The following VSIG8 variants were observed in gnomAD, a reference collection of about 807,000 sequenced individuals.
VSIG8 encodes V-set and immunoglobulin domain containing 8.
A neutral mutation model predicts 42.6 loss-of-function variants in VSIG8; 32 were observed. The observed-to-expected ratio is 0.75, with a 90% CI of 0.57 to 1.01. The LOEUF is 1.01. Ranked by LOEUF, VSIG8 falls within the 50% of genes least tolerant of loss-of-function variation. The pLI, the probability that VSIG8 is intolerant of heterozygous loss-of-function variation, is 0.00. For synonymous variants in VSIG8, 290 were observed against 243.8 expected (o/e 1.19, Z -1.77); for missense variants, 529 against 558.0 (o/e 0.95, Z 0.52).
chr1:159,858,936 G>A (rs1032620553), intron 1 of VSIG8, 24 bp from the exon 2 acceptor site: 6 of 1,605,272 alleles, frequency 3.7e-6, no homozygotes, highest in Non-Finnish European at 5.1e-6. Context: ...AGAGAAGATG[G>A]GGTGGTAGGA....
intron 4 of VSIG8, 145 bp from the exon 5 acceptor site, chr1:159,856,788 C>T (rs1648847759): frequency 2.8e-6 from 3 of 1,061,006 alleles, no homozygotes; most frequent in South Asian, 1.7e-5. Context: ...CACACACACA[C>T]ACTCCACTCT....
At chr1:159,855,354 T>G (rs1208949726) in intron 6 of VSIG8, 92 of 1,468,366 alleles carry the variant, frequency 6.3e-5, no homozygotes, top group Non-Finnish European at 8.2e-5. Flanking sequence ...TTTCCTCTTC[T>G]TCTTTCCTTA....
chr1:159,858,954 C>T, intron 1 of VSIG8, 42 bp from the exon 2 acceptor site: 1 of 1,590,852 alleles, frequency 6.3e-7, no homozygotes, highest in Non-Finnish European at 8.6e-7. Flanking sequence ...GGAGCAGAAG[C>T]AGGGCTTCAG....
At position 159,858,489 on chromosome 1, in the gene VSIG8, T is replaced by C. The variant is rs995104360; in HGVS notation, c.229-198A>G. Among the ~76,000 whole-genome samples the C allele has an allele frequency of 2.0e-5, 3 of 152,234 alleles. No individual in the cohort carries two copies. The South Asian group carries it at 6.2e-4, about 32-fold the overall frequency. ...GAGATCAAGCACTTGGAAAGATATA[T>C]GGTCAGACTGGGAACTTTTTGAAGG... On this transcript the variant is annotated intron_variant, in intron 2 of 6. Coordinates refer to ENST00000368100, the MANE Select transcript of VSIG8 (RefSeq NM_001013661.1).
chr1:159,856,267 A>G, intron 5 of VSIG8, 186 bp from the exon 6 acceptor site: 1 of 761,142 alleles, frequency 1.3e-6, no homozygotes, highest in Non-Finnish European at 2.1e-6. Flanking sequence ...TCGTGTCAGC[A>G]TGCTTCTCCC....
In VSIG8 at chr1:159,854,893, C is replaced by A; in HGVS notation, c.1105G>T (p.Glu369Ter). 1 of 1,471,136 alleles carries A rather than the reference C, an allele frequency of 6.8e-7. No homozygotes were observed. The allele number at this position is 1,471,136 out of a possible 1,614,324, so 91.1% of individuals were successfully genotyped here. The change falls in exon 7 of 7, where the codon GAG (glutamate) becomes TAG (stop). Residue 369 changes from glutamate (E) to a stop codon, truncating the protein, a stop_gained. Coordinates refer to ENST00000368100, the MANE Select transcript of VSIG8 (RefSeq NM_001013661.1). LOFTEE classifies it high-confidence loss of function. The stretch of plus-strand genomic sequence containing the variant: ...GTGCAGGGCGCCAGGGCCACGTCCT[C>A]GGGGCCGCCGCAGGGGGGAGGCGCG... ...KYAPPPCGGP[E>*]DVALAPCTAA...
In VSIG8 at chr1:159,855,040, C is replaced by A. The variant is rs1317000813; in HGVS notation, c.972-14G>T. 5.7e-6 allele frequency: 9 copies of A among 1,574,954 alleles called. No homozygotes were observed. Among genetic ancestry groups the A allele is most frequent in the Non-Finnish European group, 6.9e-6 (8 of 1,161,308 alleles). ...ACGGCGTCCTCTCTGTGGAAAACAA[C>A]AGGCGGGCGGGTGAGCGGGCTGCTC... On this transcript the variant is annotated splice_polypyrimidine_tract_variant and intron_variant, in intron 6 of 6. Transcript: ENST00000368100.
In VSIG8 at chr1:159,854,653, G is replaced by A. The variant is rs1388368121; in HGVS notation, c.*100C>T. 7.4e-6 allele frequency: 10 copies of A among 1,347,728 alleles called. No homozygotes were observed. The highest frequency in any genetic ancestry group is 9.5e-6 in the Non-Finnish European group (10 of 1,055,458). The allele number at this position is 1,347,728 out of a possible 1,614,324, so 83.5% of individuals were successfully genotyped here. A position where few individuals can be genotyped will look rare whatever the true frequency, so the allele number is the denominator to read the frequency against. On this transcript the variant is annotated 3_prime_UTR_variant, in exon 7 of 7. Coordinates refer to ENST00000368100, the MANE Select transcript of VSIG8 (RefSeq NM_001013661.1). Reference sequence around the variant, plus strand: ...ACCCCCAGCCGCCTGGCAGCCTGGGGCGAGCGAGGTCGTCCCCAGCCCCGA... The same window carrying A: ...ACCCCCAGCCGCCTGGCAGCCTGGGACGAGCGAGGTCGTCCCCAGCCCCGA...
chr1:159,861,644 C>G (rs1031547088), intron 1 of VSIG8: 1 of 152,324 alleles, frequency 6.6e-6, no homozygotes, highest in African/African-American at 2.4e-5. Context: ...AATGTCACCC[C>G]GCCTTCCCAA....
chr1:159,858,138 C>T lies in VSIG8; in HGVS notation c.382G>A (p.Val128Met). The change falls in exon 3 of 7, where the codon GTG (valine) becomes ATG (methionine). Residue 128 changes from valine (V) to methionine (M), a missense_variant. By Grantham distance (21) the Val-to-Met change is conservative. Transcript: ENST00000368100. ...VSDTATYECR[V>M]KKTTMATRKV... ...CGGGTGGCCATGGTGGTCTTCTTCA[C>T]CCGGCACTCATAAGTGGCTGTATCA... 1 of 1,614,196 alleles carries T rather than the reference C, an allele frequency of 6.2e-7. No individual in the cohort carries two copies. The highest frequency in any genetic ancestry group is 8.5e-7 in the Non-Finnish European group (1 of 1,180,034).
chr1:159,858,403 G>GA (rs1648915578), intron 2 of VSIG8, 112 bp from the exon 3 acceptor site: 6 of 1,079,508 alleles, frequency 5.6e-6, no homozygotes, highest in East Asian at 2.5e-5. Flanking sequence ...TTTCTCAGCT[G>GA]AAAAAATGAG....
intron 6 of VSIG8, 58 bp from the exon 7 acceptor site, chr1:159,855,084 C>A (rs1557902249): frequency 1.9e-6 from 3 of 1,557,198 alleles, no homozygotes; most frequent in African/African-American, 1.4e-5. Context: ...GGCGTGGGCA[C>A]GGCCTGGGCA....
chr1:159,858,690 A>C, intron 2 of VSIG8, 44 bp downstream of exon 2: 1 of 1,562,620 alleles, frequency 6.4e-7, no homozygotes, highest in Non-Finnish European at 8.7e-7. Context: ...ACAGGTAGAC[A>C]TCATGAAGCC....
intron 6 of VSIG8, 198 bp downstream of exon 6, chr1:159,855,685 G>A (rs1648792008): frequency 7.4e-6 from 7 of 945,930 alleles, no homozygotes; most frequent in Admixed American, 6.2e-5. Flanking sequence ...AGGGAGCAGA[G>A]GTGAAGACTG....
chr1:159,856,792 C>A, intron 4 of VSIG8, 149 bp from the exon 5 acceptor site: 52 of 1,033,470 alleles, frequency 5.0e-5, no homozygotes, highest in Middle Eastern at 2.3e-4. Flanking sequence ...CACACACACT[C>A]CACTCTCCAG....
Position 159,858,986 on chromosome 1 carries a change from C to T in VSIG8, c.50-74G>A, listed in dbSNP as rs754526341. ...TCAGGAGGAGTCAGTGTCAGCCCTT[C>T]CCTTCATATTCTCTGTCCACGGCAC... On this transcript the variant is annotated intron_variant, in intron 1 of 6. Transcript: ENST00000368100. 96 of 1,498,548 alleles carry T rather than the reference C, an allele frequency of 6.4e-5. 1 individual carries two copies. Among genetic ancestry groups the T allele is most frequent in the Non-Finnish European group, 7.5e-5 (83 of 1,111,998 alleles). 92.8% of individuals were successfully genotyped at this position (1,498,548 alleles called of 1,614,324 possible).
At chr1:159,856,130 T>C in intron 5 of VSIG8, 49 bp from the exon 6 acceptor site, 1 of 1,561,122 alleles carries the variant, frequency 6.4e-7, no homozygotes, top group East Asian at 2.3e-5. Flanking sequence ...GCCTGGCAGG[T>C]GCCTGAGGGA....
intron 1 of VSIG8, 69 bp downstream of exon 1, chr1:159,862,404 G>A (rs1372886681): frequency 5.6e-5 from 84 of 1,511,166 alleles, no homozygotes; most frequent in Non-Finnish European, 7.5e-5. Flanking sequence ...TCCACTGTGA[G>A]CCCTTGCTGC....
At chr1:159,862,348 G>T in intron 1 of VSIG8, 125 bp downstream of exon 1, 1 of 1,016,416 alleles carries the variant, frequency 9.8e-7, no homozygotes, top group Non-Finnish European at 1.5e-6. Flanking sequence ...CTGCAGCAGG[G>T]CAAGGGTGGG....
Sources: gnomAD v4.1 joint callset for allele counts (sites outside exome capture counted in the v4.1 genomes callset) on GRCh38, gnomAD v4.1.1 for gene constraint, MANE v1.5 for transcripts, NCBI Gene and HGNC (gene_info 2026-07-23, HGNC 2026-07-21) for gene names.